Variants in SCNN1B observed in about 807,000 individuals in gnomAD.
The protein encoded by SCNN1B is sodium channel epithelial 1 subunit beta.
In SCNN1B, 46 loss-of-function variants were observed where a neutral mutation model predicts 65.3. The ratio of observed to expected loss-of-function variants is 0.70; its 90% CI spans 0.56 to 0.90. The LOEUF is 0.90. Ranked by LOEUF, SCNN1B falls within the 40% of genes least tolerant of loss-of-function variation. SCNN1B has a pLI of 0.00. For missense variants in SCNN1B, 751 were observed against 830.5 expected, an observed-to-expected ratio of 0.90 and a Z score of 1.18; for synonymous variants, 349 against 330.6, an observed-to-expected ratio of 1.06 and a Z score of -0.60.
chr16:23,339,883 T>C (rs1962020211), intron 1 of SCNN1B, among the ~76,000 whole-genome samples: 1 of 152,118 alleles, frequency 6.6e-6, no homozygotes, highest in African/African-American at 2.4e-5. Context: ...CAAGAAACTA[T>C]ATCAAACTAC....
At chr16:23,346,584 G>A (rs1006540257) in intron 1 of SCNN1B, among the ~76,000 whole-genome samples, 3 of 151,976 alleles carry the variant, frequency 2.0e-5, no homozygotes, top group African/African-American at 7.3e-5. Flanking sequence ...AAAGGTTCCA[G>A]TTCTCTTGGG....
chr16:23,281,567 C>G (rs1289681242), intron 1 of SCNN1B, among the ~76,000 whole-genome samples: 2 of 152,200 alleles, frequency 1.3e-5, no homozygotes, highest in Non-Finnish European at 2.9e-5. Context: ...GGGTCAGGTA[C>G]AGTTGGCACT....
intron 1 of SCNN1B, among the ~76,000 whole-genome samples, chr16:23,333,548 A>G (rs1961873466): frequency 6.6e-6 from 1 of 152,242 alleles, no homozygotes; most frequent in African/African-American, 2.4e-5. Context: ...AAAAATAACA[A>G]TAGCTGCCAT....
At chr16:23,311,566 C>G (rs1229957871) in intron 1 of SCNN1B, among the ~76,000 whole-genome samples, 6 of 152,172 alleles carry the variant, frequency 3.9e-5, no homozygotes, top group African/African-American at 1.4e-4. Flanking sequence ...AAAACACTAC[C>G]ACCATCCCAC....
chr16:23,340,068 T>C (rs1962024060), intron 1 of SCNN1B, among the ~76,000 whole-genome samples: 1 of 152,176 alleles, frequency 6.6e-6, no homozygotes, highest in African/African-American at 2.4e-5. Flanking sequence ...GGTGAGCATT[T>C]TTTTGCATGC....
chr16:23,359,127 C>G (rs1410896166), intron 4 of SCNN1B: 1 of 152,020 alleles, frequency 6.6e-6, no homozygotes, highest in Non-Finnish European at 1.5e-5. Context: ...ACTCTGTTGC[C>G]CAGGCTGGTC....
intron 1 of SCNN1B, among the ~76,000 whole-genome samples, chr16:23,337,177 C>T (rs1227163232): frequency 1.3e-5 from 2 of 151,584 alleles, no homozygotes; most frequent in South Asian, 2.1e-4. Flanking sequence ...TCAGCCTCCC[C>T]GGTAGCTGAG....
At chr16:23,288,246 G>A (rs550788750) in intron 2 of SCNN1B, among the ~76,000 whole-genome samples, 27 of 151,984 alleles carry the variant, frequency 1.8e-4, no homozygotes, top group African/African-American at 4.1e-4. Context: ...AACTGCCCCC[G>A]TATCAGTTAT....
At chr16:23,365,585 AAGAG>A (rs141991774) in intron 4 of SCNN1B, among the ~76,000 whole-genome samples, 5 of 64,204 alleles carry the variant, frequency 7.8e-5, no homozygotes, top group Admixed American at 3.2e-4. Context: ...GAAAGAAAGA[AAGAG>A]AAAGAAAGAA....
At chr16:23,346,391 T>A (rs931200993) in intron 1 of SCNN1B, among the ~76,000 whole-genome samples, 1 of 151,076 alleles carries the variant, frequency 6.6e-6, no homozygotes, top group Non-Finnish European at 1.5e-5. Context: ...CCAGCTAATT[T>A]TTGTATTTTT....
rs1191618996 is a variant in SCNN1B, at chr16:23,293,114, C to CAAAAAAAA, written n.178+9331_178+9338dup. 8.3e-3 allele frequency among the ~76,000 whole-genome samples: 285 copies of CAAAAAAAA among 34,176 alleles called. 32 individuals carry two copies. The highest frequency in any genetic ancestry group is 0.015 in the South Asian group (6 of 392). The allele number at this position is 34,176 out of a possible 152,430, so 22.4% of individuals were successfully genotyped here. On this transcript the variant is annotated intron_variant and non_coding_transcript_variant, in intron 2 of 3. Transcript: ENST00000569789. ...TGGGCAATACAGGGAGACTCATTCT[C>CAAAAAAAA]AAAAAAAAAAAAAAAAAAAAAAAAA...
At chr16:23,301,710 G>A (rs1283901714), upstream of SCNN1B, among the ~76,000 whole-genome samples, 1 of 152,200 alleles carries the variant, frequency 6.6e-6, no homozygotes, top group African/African-American at 2.4e-5. Context: ...GGGGGCCAGA[G>A]TTCCCAATCT....
At chr16:23,294,906 T>C (rs978163458) in intron 2 of SCNN1B, among the ~76,000 whole-genome samples, 1 of 151,952 alleles carries the variant, frequency 6.6e-6, no homozygotes, top group Non-Finnish European at 1.5e-5. Flanking sequence ...GGCAGGAGAA[T>C]CACTTGAACC....
At chr16:23,357,560 G>A (rs1443477663) in intron 4 of SCNN1B, among the ~76,000 whole-genome samples, 1 of 152,214 alleles carries the variant, frequency 6.6e-6, no homozygotes, top group Non-Finnish European at 1.5e-5. Flanking sequence ...TTCAGCCTGG[G>A]CAGCAGAGTG....
At chr16:23,329,057 C>T (rs1369695192) in intron 1 of SCNN1B, among the ~76,000 whole-genome samples, 1 of 151,728 alleles carries the variant, frequency 6.6e-6, no homozygotes, top group African/African-American at 2.4e-5. Flanking sequence ...ACCTCGGCCT[C>T]CCAAAGTGCT....
At chr16:23,369,652 G>T (rs964573612) in intron 5 of SCNN1B, among the ~76,000 whole-genome samples, 6 of 152,038 alleles carry the variant, frequency 3.9e-5, no homozygotes, top group Non-Finnish European at 8.8e-5. Context: ...GACCATCGGG[G>T]CCGCTGGCCA....
chr16:23,333,316 C>T (rs1393374014), intron 1 of SCNN1B, among the ~76,000 whole-genome samples: 1 of 152,196 alleles, frequency 6.6e-6, no homozygotes, highest in Admixed American at 6.5e-5. Flanking sequence ...AAACCAGCTG[C>T]CAGCCATTGA....
At chr16:23,304,335 C>T (rs200945713) in intron 1 of SCNN1B, among the ~76,000 whole-genome samples, 11 of 98,658 alleles carry the variant, frequency 1.1e-4, no homozygotes, top group Non-Finnish European at 2.3e-5. Flanking sequence ...GAGACATACA[C>T]ACAAGCAAGT....
intron 1 of SCNN1B, among the ~76,000 whole-genome samples, chr16:23,283,380 C>T (rs1012661964): frequency 6.6e-6 from 1 of 152,212 alleles, no homozygotes; most frequent in Non-Finnish European, 1.5e-5. Flanking sequence ...CACTGCACTC[C>T]AGCCTAGGCA....
Sources: allele counts gnomAD v4.1 joint callset (sites outside exome capture counted in the v4.1 genomes callset), GRCh38; gene constraint gnomAD v4.1.1; transcripts MANE v1.5; gene names NCBI Gene and HGNC (gene_info 2026-07-23, HGNC 2026-07-21).